The following NEK10 variants were observed in gnomAD, a reference collection of about 807,000 sequenced individuals.
The protein encoded by NEK10 is NIMA related kinase 10, also known as serine/threonine-protein kinase Nek10.
A neutral mutation model predicts 159.8 loss-of-function variants in NEK10; 122 were observed. The observed-to-expected ratio is 0.76, with a 90% CI of 0.66 to 0.89. The LOEUF (loss-of-function observed/expected upper bound fraction) is 0.89. Among genes scored for constraint, NEK10 ranks in the 40% least tolerant of loss-of-function variants. The pLI, the probability that NEK10 is intolerant of heterozygous loss-of-function variation, is 0.00. For missense variants in NEK10, 1,342 were observed against 1,323.1 expected (o/e 1.01, Z -0.22); for synonymous variants, 466 against 457.1 (o/e 1.02, Z -0.25).
chr3:27,255,247 C>A, intron 23 of NEK10: 1 of 413,066 alleles, frequency 2.4e-6, no homozygotes, highest in Admixed American at 2.7e-5. Context: ...TATAAGCTTG[C>A]AGCTTACAAG....
intron 13 of NEK10, among the ~76,000 whole-genome samples, chr3:27,297,524 C>T (rs572279709): frequency 5.9e-5 from 9 of 152,286 alleles, no homozygotes; most frequent in Middle Eastern, 3.4e-3. Context: ...TTGCATCTGT[C>T]CATTTCATTG....
intron 22 of NEK10, among the ~76,000 whole-genome samples, chr3:27,272,231 G>T (rs2041421040): frequency 6.6e-6 from 1 of 152,042 alleles, no homozygotes; most frequent in Non-Finnish European, 1.5e-5. Flanking sequence ...TTTGTCTGGG[G>T]TTTCACCTCC....
At chr3:27,199,686 TA>T (rs1419012795) in intron 25 of NEK10, among the ~76,000 whole-genome samples, 1 of 152,068 alleles carries the variant, frequency 6.6e-6, no homozygotes, top group Non-Finnish European at 1.5e-5. Context: ...CTATTCACAA[TA>T]GCAAAGACAT....
chr3:27,266,641 A>T (rs528367148), intron 22 of NEK10, among the ~76,000 whole-genome samples: 1 of 152,304 alleles, frequency 6.6e-6, no homozygotes, highest in South Asian at 2.1e-4. Flanking sequence ...CTAGCTGTCA[A>T]CTTATTCCCT....
At chr3:27,133,336 G>T (rs1423209521) in intron 31 of NEK10, among the ~76,000 whole-genome samples, 1 of 152,102 alleles carries the variant, frequency 6.6e-6, no homozygotes, top group East Asian at 1.9e-4. Flanking sequence ...CAAAGAATAG[G>T]GCCTACAGGG....
At chr3:27,299,715 C>T (rs1319237203) in intron 13 of NEK10, among the ~76,000 whole-genome samples, 2 of 152,228 alleles carry the variant, frequency 1.3e-5, no homozygotes, top group Non-Finnish European at 2.9e-5. Flanking sequence ...CATGGGAACC[C>T]ACTTATAGCA....
At chr3:27,146,287 C>T (rs146543180) in intron 30 of NEK10, among the ~76,000 whole-genome samples, 1 of 152,182 alleles carries the variant, frequency 6.6e-6, no homozygotes, top group Non-Finnish European at 1.5e-5. Flanking sequence ...TCACAATATA[C>T]ACTTTGAAGC....
intron 16 of NEK10, among the ~76,000 whole-genome samples, chr3:27,291,869 C>A (rs2043022032): frequency 6.6e-6 from 1 of 152,138 alleles, no homozygotes. Flanking sequence ...GTCTCGATCT[C>A]CTGACCTCGT....
chr3:27,175,621 A>C (rs1471901874), intron 26 of NEK10, among the ~76,000 whole-genome samples: 4 of 152,236 alleles, frequency 2.6e-5, no homozygotes, highest in African/African-American at 9.6e-5. Flanking sequence ...TCAGTAAAAA[A>C]GTACCACTTG....
At chr3:27,256,217 C>G in intron 23 of NEK10, 79 bp downstream of exon 23, 1 of 627,790 alleles carries the variant, frequency 1.6e-6, no homozygotes, top group Non-Finnish European at 2.5e-6. Context: ...ATTCTCTTTC[C>G]TTTGCAAGTC....
chr3:27,296,249 C>A (rs2043346344), intron 14 of NEK10, among the ~76,000 whole-genome samples: 1 of 152,138 alleles, frequency 6.6e-6, no homozygotes, highest in South Asian at 2.1e-4. Context: ...CATATTATAA[C>A]TGCAAAGAGC....
chr3:27,352,899 C>T lies in NEK10; in HGVS notation c.-17G>A. On this transcript the variant is annotated 5_prime_UTR_variant, in exon 2 of 36. Transcript: ENST00000691995. ...ATCAGGCATTGTAAAACATCAATGC[C>T]CCAGAATTAACATCGCATTCCTTTA... 1.3e-6 allele frequency: 2 copies of T among 1,579,176 alleles called. No homozygotes were observed. The highest frequency in any genetic ancestry group is 1.7e-6 in the Non-Finnish European group (2 of 1,150,598).
intron 22 of NEK10, among the ~76,000 whole-genome samples, chr3:27,270,649 C>G (rs1363753473): frequency 1.3e-5 from 2 of 152,148 alleles, no homozygotes; most frequent in African/African-American, 4.8e-5. Flanking sequence ...CAGACTCCCT[C>G]CCTCCATCTC....
At chr3:27,153,574 A>T (rs1452165221) in intron 30 of NEK10, among the ~76,000 whole-genome samples, 1 of 152,200 alleles carries the variant, frequency 6.6e-6, no homozygotes, top group African/African-American at 2.4e-5. Context: ...GAGCCTCAAT[A>T]AATGTTTAAA....
intron 33 of NEK10, 28 bp from the exon 34 acceptor site, chr3:27,116,155 G>T (rs776732756): frequency 3.7e-6 from 6 of 1,605,376 alleles, no homozygotes; most frequent in Admixed American, 1.7e-5. Context: ...TGGAAAGTCT[G>T]ACATTTGGGT....
chr3:27,200,376 T>A (rs1194502679), intron 25 of NEK10, among the ~76,000 whole-genome samples: 1 of 152,088 alleles, frequency 6.6e-6, no homozygotes, highest in Non-Finnish European at 1.5e-5. Flanking sequence ...CTATCTGGGG[T>A]GACTCTAGAA....
intron 13 of NEK10, 115 bp from the exon 14 acceptor site, chr3:27,297,355 T>A: frequency 1.5e-6 from 1 of 670,890 alleles, no homozygotes; most frequent in South Asian, 2.3e-5. Flanking sequence ...ATTAGCAAAG[T>A]AACTTCTCAA....
At chr3:27,121,706 G>A (rs1034964975) in intron 32 of NEK10, among the ~76,000 whole-genome samples, 1 of 152,122 alleles carries the variant, frequency 6.6e-6, no homozygotes, top group Non-Finnish European at 1.5e-5. Context: ...TCTTGGGTAC[G>A]TATTTATCAG....
intron 23 of NEK10, among the ~76,000 whole-genome samples, chr3:27,241,986 T>G (rs1954604842): frequency 6.6e-6 from 1 of 152,200 alleles, no homozygotes; most frequent in South Asian, 2.1e-4. Flanking sequence ...CTTCAACTTT[T>G]AACTGAGCCT....
Sources: allele counts gnomAD v4.1 joint callset (sites outside exome capture counted in the v4.1 genomes callset), GRCh38; gene constraint gnomAD v4.1.1; transcripts MANE v1.5; gene names NCBI Gene and HGNC (gene_info 2026-07-23, HGNC 2026-07-21).